Variants in STYXL2 observed in about 807,000 individuals in gnomAD.
STYXL2 encodes the protein serine/threonine/tyrosine interacting like 2.
In STYXL2, 44 loss-of-function variants were observed where a neutral mutation model predicts 52.4. The ratio of observed to expected loss-of-function variants is 0.84; its 90% confidence interval spans 0.66 to 1.08. STYXL2 has a LOEUF of 1.08. Ranked by LOEUF, STYXL2 falls within the 50% of genes least tolerant of loss-of-function variation. The probability of loss-of-function intolerance (pLI) is 0.00; values close to 1 mark genes in which losing one functional copy is unlikely to be tolerated. For synonymous variants in STYXL2, 604 were observed against 586.9 expected (o/e 1.03, Z -0.42); for missense variants, 1,604 against 1,471.7 (o/e 1.09, Z -1.47).
Position 167,094,842 on chromosome 1 carries a change from A to C in STYXL2, c.-8A>C. Reference sequence around the variant, plus strand: ...TCTTGCCAAACTTTCAGAGGTTGGCAGGTTGTCATGGCGACCAGAAAGGAC... The same window carrying C: ...TCTTGCCAAACTTTCAGAGGTTGGCCGGTTGTCATGGCGACCAGAAAGGAC... On this transcript the variant is annotated 5_prime_UTR_variant, in exon 2 of 6. Transcript: ENST00000361200. 1 of 1,610,554 alleles carries C rather than the reference A, an allele frequency of 6.2e-7. No homozygotes were observed.
rs763434444 is a variant in STYXL2 at position 167,127,191 on chromosome 1, A to G, written c.2060A>G (p.His687Arg). 6.2e-7 allele frequency: 1 copy of G among 1,614,042 alleles called. No homozygotes were observed. The highest frequency in any genetic ancestry group is 1.1e-5 in the South Asian group (1 of 91,070). ...SVLSTQSHRS[H>R]LSQAASNIAG... Reference sequence around the variant, plus strand: ...CTGAGCACCCAGAGCCACCGCTCCCACCTGTCTCAGGCTGCAAGCAACATA... The same window carrying G: ...CTGAGCACCCAGAGCCACCGCTCCCGCCTGTCTCAGGCTGCAAGCAACATA... Residue 687 changes from histidine to arginine, a missense_variant, in exon 6 of 6, where the codon CAC becomes CGC. Transcript: ENST00000361200.
Position 167,126,684 on chromosome 1 carries a change from A to G in STYXL2, c.1553A>G (p.Asp518Gly), listed in dbSNP as rs1667977798. 17 of 1,613,994 alleles carry G rather than the reference A, an allele frequency of 1.1e-5. No individual in the cohort carries two copies. Among genetic ancestry groups the G allele is most frequent in the Non-Finnish European group, 1.3e-5 (15 of 1,180,028 alleles). The change falls in exon 6 of 6, where the codon GAT becomes GGT. Residue 518 changes from aspartate to glycine, a missense_variant. By Grantham distance (94) the Asp-to-Gly change is moderately conservative. Coordinates refer to ENST00000361200, the MANE Select transcript of STYXL2 (RefSeq NM_001080426.3). ...SSEAGSRVRE[D>G]DEDSVGSEAS... ...GAAGCAGGGAGCAGGGTGCGGGAGG[A>G]TGATGAGGACAGCGTGGGCTCTGAG...
chr1:167,114,186 A>G (rs556534399), intron 3 of STYXL2, among the ~76,000 whole-genome samples: 1 of 152,218 alleles, frequency 6.6e-6, no homozygotes, highest in South Asian at 2.1e-4. Context: ...CTGCACTTCC[A>G]CCAGTGCTTA....
At position 167,105,271 on chromosome 1, in the gene STYXL2, G is replaced by A. The variant is rs868515219; in HGVS notation, c.111-8439G>A. 1.4e-4 allele frequency among the ~76,000 whole-genome samples: 21 copies of A among 152,096 alleles called. 1 individual carries two copies. In the Middle Eastern group the frequency reaches 0.01, roughly 74 times the overall value. On this transcript the variant is annotated intron_variant, in intron 2 of 5. Transcript: ENST00000361200. ...TGGTCAGTCTGCAATTTTGAAAAAC[G>A]CAGGTCTAAAGCAAGCTGCACCACT...
chr1:167,126,155 A>G lies in STYXL2; in HGVS notation c.1024A>G (p.Ile342Val). Residue 342 changes from isoleucine to valine, a missense_variant, in exon 6 of 6, where the codon ATA (isoleucine) becomes GTA (valine). By Grantham distance (29) the Ile-to-Val change is conservative. Coordinates refer to ENST00000361200, the MANE Select transcript of STYXL2 (RefSeq NM_001080426.3). ...CCAGGCCTCCAAGCCCCTCACCCTC[A>G]TAGACGAGGAGGAGGAGGAGAAACT... ...ATQASKPLTL[I>V]DEEEEEKLYE... 6.6e-7 allele frequency: 1 copy of G among 1,512,828 alleles called. No homozygotes were observed. The highest frequency in any genetic ancestry group is 8.8e-7 in the Non-Finnish European group (1 of 1,133,318). The allele number at this position is 1,512,828 out of a possible 1,614,324, so 93.7% of individuals were successfully genotyped here. A position where few individuals can be genotyped will look rare whatever the true frequency, so the allele number is the denominator to read the frequency against.
At chr1:167,100,417 T>G (rs1049404998) in intron 2 of STYXL2, among the ~76,000 whole-genome samples, 1 of 152,162 alleles carries the variant, frequency 6.6e-6, no homozygotes, top group Non-Finnish European at 1.5e-5. Flanking sequence ...ATTGAGCTTC[T>G]CAGATTGTTG....
chr1:167,098,003 CTTTTTTTTTTTT>C (rs35037292), intron 2 of STYXL2, among the ~76,000 whole-genome samples: 46 of 96,576 alleles, frequency 4.8e-4, no homozygotes, highest in South Asian at 3.2e-3. Flanking sequence ...TCTCTACAAA[CTTTTTTTTTTTT>C]TTTTTTTTTT....
chr1:167,128,393 T>A lies in STYXL2; in HGVS notation c.3262T>A (p.Phe1088Ile), dbSNP rs538591582. The A allele has an allele frequency of 2.1e-5, 34 of 1,613,904 alleles. No individual in the cohort carries two copies. In the African/African-American group the frequency reaches 3.9e-4, roughly 18 times the overall value. ...CTCTGAATTTGGAGCCAAGAGGAAG[T>A]TCACCCAGAGCTTTATGAGGTCTGA... ...DFSEFGAKRK[F>I]TQSFMRSEEE... Residue 1088 changes from phenylalanine (F) to isoleucine (I), a missense_variant, in exon 6 of 6, where the codon TTC becomes ATC. Physicochemically the swap from Phe to Ile is conservative, Grantham distance 21 (BLOSUM62 0). Transcript: ENST00000361200.
chr1:167,128,213 G>A lies in STYXL2; in HGVS notation c.3082G>A (p.Glu1028Lys), dbSNP rs377175191. The A allele has an allele frequency of 5.5e-5, 88 of 1,614,058 alleles. No homozygotes were observed. Among genetic ancestry groups the A allele is most frequent in the South Asian group, 5.1e-4 (46 of 91,072 alleles). ...MHKFSRSTYN[E>K]TSSSREESPE... The stretch of plus-strand genomic sequence containing the variant: ...CAAGTTCTCCAGGTCCACGTACAAC[G>A]AGACCTCAAGTTCCCGAGAGGAGAG... The change falls in exon 6 of 6, where the codon GAG (glutamate) becomes AAG (lysine). Residue 1028 changes from glutamate to lysine, a missense_variant. Coordinates refer to ENST00000361200, the MANE Select transcript of STYXL2 (RefSeq NM_001080426.3).
At chr1:167,118,610 G>A (rs996659064) in intron 4 of STYXL2, among the ~76,000 whole-genome samples, 14 of 152,192 alleles carry the variant, frequency 9.2e-5, no homozygotes, top group South Asian at 2.1e-4. Flanking sequence ...GTTCCTTCTC[G>A]GACAACCTGT....
intron 3 of STYXL2, among the ~76,000 whole-genome samples, chr1:167,114,220 C>A (rs1167665914): frequency 6.6e-6 from 1 of 152,022 alleles, no homozygotes; most frequent in African/African-American, 2.4e-5. Context: ...CTGAAGGATG[C>A]ATGGGGAGGA....
At position 167,127,146 on chromosome 1, in the gene STYXL2, A is replaced by T. The variant is rs1667992150; in HGVS notation, c.2015A>T (p.Asp672Val). The T allele has an allele frequency of 6.2e-7, 1 of 1,614,074 alleles. No individual in the cohort carries two copies. Among genetic ancestry groups the T allele is most frequent in the Non-Finnish European group, 8.5e-7 (1 of 1,179,988 alleles). The change falls in exon 6 of 6, where the codon GAT (aspartate) becomes GTT (valine). Residue 672 changes from aspartate to valine, a missense_variant. Coordinates refer to ENST00000361200, the MANE Select transcript of STYXL2 (RefSeq NM_001080426.3). Reference protein sequence around the residue: ...FWSADPSVSADGDTTSVLSTQ... With the variant: ...FWSADPSVSAVGDTTSVLSTQ... ...TCTGCAGACCCCTCAGTCAGCGCTG[A>T]TGGGGACACGACGTCAGTACTGAGC...
chr1:167,107,890 C>T lies in STYXL2; in HGVS notation c.111-5820C>T, dbSNP rs563116707. ...AAGGAAGACTTCCCTAAAGAAGGGA[C>T]GATTGAACTAAAATCTGAAAAATGA... On this transcript the variant is annotated intron_variant, in intron 2 of 5. Coordinates refer to ENST00000361200, the MANE Select transcript of STYXL2 (RefSeq NM_001080426.3). 1.3e-4 allele frequency among the ~76,000 whole-genome samples: 20 copies of T among 152,216 alleles called. No individual in the cohort carries two copies. The East Asian group carries it at 1.4e-3, about 10-fold the overall frequency.
rs368596520 is a variant in STYXL2 at position 167,126,828 on chromosome 1, G to A, written c.1697G>A (p.Ser566Asn). 4.1e-5 allele frequency: 66 copies of A among 1,614,132 alleles called. No individual in the cohort carries two copies. Among genetic ancestry groups the A allele is most frequent in the Non-Finnish European group, 5.3e-5 (62 of 1,180,052 alleles). Residue 566 changes from serine (S) to asparagine (N), a missense_variant, in exon 6 of 6, where the codon AGC becomes AAC. Physicochemically the swap from Ser to Asn is conservative, Grantham distance 46 (BLOSUM62 1). Coordinates refer to ENST00000361200, the MANE Select transcript of STYXL2 (RefSeq NM_001080426.3). ...AAGAAAGACTTGGGAGCGGGAGACA[G>A]CAGCGGTGAGCCCGGTGCAGAGGAG... is the stretch of plus-strand genomic sequence containing the variant. ...FHKKDLGAGD[S>N]SGEPGAEEAV...
At chr1:167,122,533 G>A (rs1667878655) in intron 5 of STYXL2, among the ~76,000 whole-genome samples, 1 of 152,034 alleles carries the variant, frequency 6.6e-6, no homozygotes, top group South Asian at 2.1e-4. Context: ...GAAGAAAGGG[G>A]GAATTATGAA....
intron 4 of STYXL2, among the ~76,000 whole-genome samples, chr1:167,118,474 A>T (rs1667778054): frequency 6.6e-6 from 1 of 152,202 alleles, no homozygotes; most frequent in Non-Finnish European, 1.5e-5. Context: ...GTTGCCTAGA[A>T]CTTGATCCTC....
chr1:167,126,444 G>T lies in STYXL2; in HGVS notation c.1313G>T (p.Ser438Ile). The T allele has an allele frequency of 1.3e-6, 2 of 1,578,130 alleles. No homozygotes were observed. The highest frequency in any genetic ancestry group is 1.7e-4 in the Middle Eastern group (1 of 5,988). Residue 438 changes from serine to isoleucine, a missense_variant, in exon 6 of 6, where the codon AGC becomes ATC. Coordinates refer to ENST00000361200, the MANE Select transcript of STYXL2 (RefSeq NM_001080426.3). Reference sequence around the variant, plus strand: ...CGGCGGCGCACCCTGAGCGAGAGCAGCGCCTGGGAGAGCGTGAGCAGCCAC... The same window carrying T: ...CGGCGGCGCACCCTGAGCGAGAGCATCGCCTGGGAGAGCGTGAGCAGCCAC... ...GRRRRTLSES[S>I]AWESVSSHDI... is the part of the protein sequence containing the mutation.
chr1:167,103,634 A>G (rs900188137), intron 2 of STYXL2, among the ~76,000 whole-genome samples: 15 of 152,206 alleles, frequency 9.9e-5, no homozygotes, highest in African/African-American at 2.9e-4. Flanking sequence ...CCTAGCCACT[A>G]TGAGTCACTC....
rs754391838 is a variant in STYXL2, at chr1:167,127,511, G to A, written c.2380G>A (p.Asp794Asn). The A allele has an allele frequency of 3.7e-6, 6 of 1,614,092 alleles. No individual in the cohort carries two copies. The highest frequency in any genetic ancestry group is 5.1e-6 in the Non-Finnish European group (6 of 1,180,024). Reference sequence around the variant, plus strand: ...TCAGAGCCAGGCAAGACCCAGCTCTGACATGCAGTCTGTGCTGTCCTGCAA... The same window carrying A: ...TCAGAGCCAGGCAAGACCCAGCTCTAACATGCAGTCTGTGCTGTCCTGCAA... ...LPQSQARPSS[D>N]MQSVLSCNTT... The change falls in exon 6 of 6, where the codon GAC becomes AAC. Residue 794 changes from aspartate to asparagine, a missense_variant. Asp to Asn is a conservative substitution (Grantham distance 23). Coordinates refer to ENST00000361200, the MANE Select transcript of STYXL2 (RefSeq NM_001080426.3).
Sources: allele counts gnomAD v4.1 joint callset (sites outside exome capture counted in the v4.1 genomes callset), GRCh38; gene constraint gnomAD v4.1.1; transcripts MANE v1.5; gene names NCBI Gene and HGNC (gene_info 2026-07-23, HGNC 2026-07-21).